Variants in GPHN observed in about 807,000 individuals in gnomAD.
GPHN encodes gephyrin.
GPHN carries 17 observed loss-of-function variants against 95.5 expected under a neutral mutation model. The ratio of observed to expected loss-of-function variants is 0.18; its 90% confidence interval spans 0.12 to 0.27. The LOEUF (loss-of-function observed/expected upper bound fraction) is 0.27. Ranked by LOEUF, GPHN falls within the 10% of genes least tolerant of loss-of-function variation. GPHN has a pLI of 1.00. For missense variants in GPHN, 660 were observed against 978.1 expected (o/e 0.67, Z 4.34); for synonymous variants, 320 against 322.5 (o/e 0.99, Z 0.08).
the GPHN span, among the ~76,000 whole-genome samples, chr14:67,730,731 G>A: frequency 6.6e-6 from 1 of 152,076 alleles, no homozygotes; most frequent in South Asian, 2.1e-4. Context: ...AGCCTCCTGA[G>A]TAGCTGGGAT....
chr14:67,045,467 CTG>C (rs1157035699), intron 10 of GPHN, among the ~76,000 whole-genome samples: 4 of 149,558 alleles, frequency 2.7e-5, no homozygotes, highest in African/African-American at 7.4e-5. Context: ...CTCTCTGTCT[CTG>C]TTTCTCTGTC....
chr14:67,731,214 T>C, the GPHN span, among the ~76,000 whole-genome samples: 4 of 140,096 alleles, frequency 2.9e-5, no homozygotes, highest in African/African-American at 5.3e-5. Context: ...TTTCTTTTTT[T>C]TTTTTTTTTT....
At chr14:66,657,598 A>G (rs2065379036) in intron 1 of GPHN, among the ~76,000 whole-genome samples, 1 of 152,166 alleles carries the variant, frequency 6.6e-6, no homozygotes, top group South Asian at 2.1e-4. Flanking sequence ...TTGCTCATTT[A>G]CCATTTTGTA....
At chr14:66,874,931 A>T (rs1001257247) in intron 4 of GPHN, among the ~76,000 whole-genome samples, 4 of 152,176 alleles carry the variant, frequency 2.6e-5, no homozygotes, top group African/African-American at 9.7e-5. Flanking sequence ...CTCTTTGAGG[A>T]GAGCAACCCC....
intron 4 of GPHN, among the ~76,000 whole-genome samples, chr14:66,850,345 T>C (rs1460322437): frequency 6.6e-6 from 1 of 152,188 alleles, no homozygotes; most frequent in Admixed American, 6.6e-5. Flanking sequence ...ATATGAATTA[T>C]ATTTGATTAT....
chr14:67,300,292 C>A, the GPHN span, among the ~76,000 whole-genome samples: 1 of 151,130 alleles, frequency 6.6e-6, no homozygotes, highest in East Asian at 1.9e-4. Context: ...TTTAAAATAG[C>A]CATAAAAGGT....
chr14:66,591,191 C>G (rs1241555344), intron 1 of GPHN, among the ~76,000 whole-genome samples: 1 of 152,092 alleles, frequency 6.6e-6, no homozygotes, highest in African/African-American at 2.4e-5. Flanking sequence ...AAACCCGCAG[C>G]CAATATAATA....
At chr14:66,938,233 C>T (rs2067228835) in intron 8 of GPHN, among the ~76,000 whole-genome samples, 1 of 152,078 alleles carries the variant, frequency 6.6e-6, no homozygotes, top group Admixed American at 6.5e-5. Context: ...TAGGAAATTA[C>T]TAAGAGTTTC....
the GPHN span, among the ~76,000 whole-genome samples, chr14:67,669,241 T>C: frequency 6.6e-6 from 1 of 151,894 alleles, no homozygotes; most frequent in Non-Finnish European, 1.5e-5. Flanking sequence ...TTATACTATA[T>C]GGCCTCTCAA....
the GPHN span, among the ~76,000 whole-genome samples, chr14:67,597,879 G>C: frequency 5.9e-5 from 9 of 152,042 alleles, no homozygotes; most frequent in Non-Finnish European, 1.2e-4. Flanking sequence ...AAAGGGAAGG[G>C]GGAAGAACAT....
chr14:67,708,852 G>T, the GPHN span, among the ~76,000 whole-genome samples: 1 of 150,570 alleles, frequency 6.6e-6, no homozygotes, highest in Non-Finnish European at 1.5e-5. Flanking sequence ...GAGTGCAGTG[G>T]TGCAATCTTG....
chr14:66,533,881 C>T (rs146696460), intron 1 of GPHN, among the ~76,000 whole-genome samples: 5 of 152,122 alleles, frequency 3.3e-5, no homozygotes, highest in Non-Finnish European at 5.9e-5. Flanking sequence ...ATTTCAAATA[C>T]TCAGATTTTT....
At chr14:67,221,824 A>AGCTGGATGTGGTCTCTCATGC in the GPHN span, 1 of 1,612,248 alleles carries the variant, frequency 6.2e-7, no homozygotes, top group African/African-American at 1.3e-5. Flanking sequence ...AACAAATTCC[A>AGCTGGATGTGGTCTCTCATGC]CTACATGTTT....
the GPHN span, among the ~76,000 whole-genome samples, chr14:67,232,085 G>C: frequency 6.6e-6 from 1 of 152,270 alleles, no homozygotes; most frequent in South Asian, 2.1e-4. Flanking sequence ...TCCCTTCAAG[G>C]GATGGAGCCT....
chr14:67,661,205 A>G, the GPHN span, among the ~76,000 whole-genome samples: 3 of 145,418 alleles, frequency 2.1e-5, no homozygotes, highest in Admixed American at 2.2e-4. Flanking sequence ...TTTGGCCCCA[A>G]TCTTAATGAG....
chr14:67,567,724 G>T, the GPHN span, among the ~76,000 whole-genome samples: 1 of 152,048 alleles, frequency 6.6e-6, no homozygotes, highest in Non-Finnish European at 1.5e-5. Context: ...CACCCTGATA[G>T]GCACCCACCT....
the GPHN span, chr14:67,223,648 G>A: frequency 5.8e-6 from 5 of 867,014 alleles, no homozygotes; most frequent in East Asian, 1.2e-4. Context: ...TGGGCATGTC[G>A]TTTTCCACAA....
chr14:67,096,557 G>A (rs1220996143), intron 12 of GPHN, among the ~76,000 whole-genome samples: 2 of 151,282 alleles, frequency 1.3e-5, no homozygotes, highest in Admixed American at 6.6e-5. Context: ...GATGACTTAG[G>A]CACTATGCTA....
chr14:67,109,089 T>C (rs763624435), intron 13 of GPHN, among the ~76,000 whole-genome samples: 3 of 152,170 alleles, frequency 2.0e-5, no homozygotes, highest in African/African-American at 4.8e-5. Context: ...TATTACAGTA[T>C]TACTGAATAC....
Sources: gnomAD v4.1 joint callset for allele counts (sites outside exome capture counted in the v4.1 genomes callset) on GRCh38, gnomAD v4.1.1 for gene constraint, MANE v1.5 for transcripts, NCBI Gene and HGNC (gene_info 2026-07-23, HGNC 2026-07-21) for gene names.